Variants in R3HDM2 observed in about 807,000 individuals in gnomAD.
R3HDM2 encodes the protein R3H domain containing 2.
A neutral mutation model predicts 124.5 loss-of-function variants in R3HDM2; 38 were observed. That is an observed-to-expected ratio of 0.31 (90% CI 0.24 to 0.40). The LOEUF (loss-of-function observed/expected upper bound fraction) is 0.40. Ranked by LOEUF, R3HDM2 falls within the 10% of genes least tolerant of loss-of-function variation. The probability of loss-of-function intolerance (pLI) is 1.00; values close to 1 mark genes in which losing one functional copy is unlikely to be tolerated. For missense variants in R3HDM2, 869 were observed against 1,236.9 expected, an observed-to-expected ratio of 0.70 and a Z score of 4.46; for synonymous variants, 391 against 448.0, an observed-to-expected ratio of 0.87 and a Z score of 1.61.
intron 20 of R3HDM2, 125 bp downstream of exon 20, chr12:57,258,765 G>T: frequency 1.1e-6 from 1 of 929,758 alleles, no homozygotes; most frequent in Non-Finnish European, 1.5e-6. Context: ...TACTTCCTGT[G>T]TTTCTCCCCA....
chr12:57,401,700 T>G (rs1483595290), intron 1 of R3HDM2, among the ~76,000 whole-genome samples: 1 of 152,222 alleles, frequency 6.6e-6, no homozygotes, highest in African/African-American at 2.4e-5. Context: ...TAAAGACTAT[T>G]CTGCCAGGCA....
chr12:57,393,073 G>C (rs1169451569), intron 2 of R3HDM2, among the ~76,000 whole-genome samples: 1 of 150,752 alleles, frequency 6.6e-6, no homozygotes, highest in Non-Finnish European at 1.5e-5. Flanking sequence ...CAGAGTGCTG[G>C]GATTACAGGC....
chr12:57,310,173 G>C, intron 3 of R3HDM2, 91 bp downstream of exon 3: 4 of 915,042 alleles, frequency 4.4e-6, no homozygotes, highest in Non-Finnish European at 6.3e-6. Flanking sequence ...TTGTGCCACT[G>C]CACTCCAGGT....
At chr12:57,374,683 TAAAAAA>T (rs56197858) in intron 2 of R3HDM2, among the ~76,000 whole-genome samples, 23 of 28,058 alleles carry the variant, frequency 8.2e-4, no homozygotes, top group Admixed American at 1.7e-3. Context: ...AATTCTATCT[TAAAAAA>T]AAAAAAAAAA....
chr12:57,282,024 G>C (rs1013724990), intron 13 of R3HDM2, among the ~76,000 whole-genome samples: 2 of 152,082 alleles, frequency 1.3e-5, no homozygotes, highest in South Asian at 4.1e-4. Flanking sequence ...TTCAAGAAAT[G>C]GTTGGTTGGG....
chr12:57,422,182 T>G (rs968719898), intron 1 of R3HDM2, among the ~76,000 whole-genome samples: 1 of 152,044 alleles, frequency 6.6e-6, no homozygotes, highest in African/African-American at 2.4e-5. Context: ...TTATCTAGAT[T>G]ATTGTGATCC....
chr12:57,419,714 T>C (rs1191970936), intron 1 of R3HDM2, among the ~76,000 whole-genome samples: 4 of 152,064 alleles, frequency 2.6e-5, no homozygotes, highest in African/African-American at 4.8e-5. Flanking sequence ...GGCACTAGGA[T>C]TACAGGTGTA....
At chr12:57,364,636 CTG>C (rs1282599334) in intron 2 of R3HDM2, among the ~76,000 whole-genome samples, 1 of 151,870 alleles carries the variant, frequency 6.6e-6, no homozygotes, top group South Asian at 2.1e-4. Context: ...CACTATCCCT[CTG>C]TGTGTCTAAA....
At chr12:57,396,585 T>G (rs2067539828) in intron 1 of R3HDM2, among the ~76,000 whole-genome samples, 1 of 151,706 alleles carries the variant, frequency 6.6e-6, no homozygotes, top group Admixed American at 6.6e-5. Flanking sequence ...AAGACCAGCC[T>G]GGCAAAGATG....
In R3HDM2 at chr12:57,258,926, C is replaced by A. The variant is rs750767578; in HGVS notation, c.2265G>T (p.Lys755Asn). The A allele has an allele frequency of 3.1e-6, 5 of 1,610,992 alleles. No individual in the cohort carries two copies. The South Asian group carries it at 5.5e-5, about 18-fold the overall frequency. The change falls in exon 20 of 24, where the codon AAG becomes AAT. Residue 755 changes from lysine to asparagine, a missense_variant. By Grantham distance (94) the Lys-to-Asn change is moderately conservative (BLOSUM62 0). This residue lies in a region of R3HDM2 where 602 missense variants were observed against 789.2 expected (regional missense o/e 0.76). Coordinates refer to ENST00000402412, the MANE Select transcript of R3HDM2 (RefSeq NM_001394031.1). ...TGTCAGGACTGTACAGGTCTCCAGG[C>A]TTCTGCCCCCGCTGGTCCATGCTGT... ...KYYSMDQRGQ[K>N]PGDLYSPDSS...
At chr12:57,292,443 G>T in intron 11 of R3HDM2, 129 bp downstream of exon 11, 1 of 627,980 alleles carries the variant, frequency 1.6e-6, no homozygotes, top group Non-Finnish European at 2.8e-6. Context: ...ATCTAGGGTT[G>T]GCTGATGTTG....
intron 2 of R3HDM2, among the ~76,000 whole-genome samples, chr12:57,335,776 T>G (rs775731361): frequency 6.6e-5 from 10 of 151,768 alleles, no homozygotes; most frequent in Non-Finnish European, 1.0e-4. Context: ...GTGTTGAGAT[T>G]ATAGGTGTTA....
At chr12:57,266,925 G>A (rs1343326354) in intron 18 of R3HDM2, 94 bp from the exon 19 acceptor site, 9 of 904,338 alleles carry the variant, frequency 1.0e-5, no homozygotes, top group African/African-American at 5.1e-5. Flanking sequence ...TCCCCTATGG[G>A]AAGGAGAGGC....
At chr12:57,318,581 G>A (rs1346427359) in intron 2 of R3HDM2, among the ~76,000 whole-genome samples, 1 of 151,876 alleles carries the variant, frequency 6.6e-6, no homozygotes, top group Middle Eastern at 3.2e-3. Flanking sequence ...CTGGGAGGCG[G>A]AGGTTGTGGT....
chr12:57,360,006 A>AATATATATATATATATAT (rs1366274892), intron 2 of R3HDM2, among the ~76,000 whole-genome samples: 2 of 117,674 alleles, frequency 1.7e-5, no homozygotes, highest in Non-Finnish European at 3.5e-5. Flanking sequence ...TAAATAAATA[A>AATATATATATATATATAT]ATATATATAT....
At chr12:57,258,335 T>C (rs1034249001) in intron 20 of R3HDM2, among the ~76,000 whole-genome samples, 198 bp from the exon 21 acceptor site, 1 of 151,096 alleles carries the variant, frequency 6.6e-6, no homozygotes, top group Admixed American at 6.6e-5. Flanking sequence ...TATTTATTTA[T>C]TTATTTATTT....
chr12:57,385,962 T>C (rs1179986314), intron 2 of R3HDM2, among the ~76,000 whole-genome samples: 5 of 152,240 alleles, frequency 3.3e-5, no homozygotes, highest in Non-Finnish European at 2.9e-5. Context: ...ATATTGTAAC[T>C]AATTTGAATG....
chr12:57,307,620 C>T (rs2052946268), intron 3 of R3HDM2, among the ~76,000 whole-genome samples: 1 of 136,048 alleles, frequency 7.4e-6, no homozygotes, highest in Admixed American at 7.7e-5. Flanking sequence ...TGCACCCAGC[C>T]ATGCTCTTTT....
intron 3 of R3HDM2, among the ~76,000 whole-genome samples, chr12:57,305,443 T>C (rs1248604901): frequency 6.6e-6 from 1 of 152,200 alleles, no homozygotes; most frequent in Admixed American, 6.5e-5. Context: ...GTAGTCCATT[T>C]AAAAGTTTTT....
Sources: gnomAD v4.1 joint callset for allele counts (sites outside exome capture counted in the v4.1 genomes callset) on GRCh38, gnomAD v4.1.1 for gene constraint, gnomAD v4.1.1 regional missense constraint, MANE v1.5 for transcripts, NCBI Gene and HGNC (gene_info 2026-07-23, HGNC 2026-07-21) for gene names.